Variants in CSMD1 observed in about 807,000 individuals in gnomAD.
CSMD1 encodes CUB and sushi domain-containing protein 1.
Under a neutral mutation model 417.5 loss-of-function variants are expected in CSMD1, and 213 were observed. That is an observed-to-expected ratio of 0.51 (90% CI 0.46 to 0.57). The LOEUF is 0.57. Among genes scored for constraint, CSMD1 ranks in the 20% least tolerant of loss-of-function variants. The pLI, the probability that CSMD1 is intolerant of heterozygous loss-of-function variation, is 0.00. For synonymous variants in CSMD1, 2,862 were observed against 1,736.8 expected, an observed-to-expected ratio of 1.65 and a Z score of -16.11; for missense variants, 6,923 against 4,529.7, an observed-to-expected ratio of 1.53 and a Z score of -15.17.
chr8:4,191,295 C>G (rs1431598155), intron 3 of CSMD1, among the ~76,000 whole-genome samples: 2 of 152,040 alleles, frequency 1.3e-5, no homozygotes, highest in African/African-American at 2.4e-5. Flanking sequence ...ACTCGGGAGG[C>G]TGAGGCAGGA....
At chr8:4,956,236 C>T (rs1809099639) in intron 1 of CSMD1, among the ~76,000 whole-genome samples, 1 of 143,212 alleles carries the variant, frequency 7.0e-6, no homozygotes, top group Admixed American at 6.9e-5. Context: ...TTACAGCCCT[C>T]CTTACTCGCT....
At chr8:4,703,055 G>A (rs995647197) in intron 1 of CSMD1, among the ~76,000 whole-genome samples, 1 of 152,096 alleles carries the variant, frequency 6.6e-6, no homozygotes, top group Admixed American at 6.6e-5. Flanking sequence ...ACAGTTTAGG[G>A]TTAAGCAAAT....
intron 17 of CSMD1, among the ~76,000 whole-genome samples, chr8:3,389,886 A>G (rs147739031): frequency 0.018 from 2,814 of 152,268 alleles, 46 homozygotes; most frequent in South Asian, 0.025. Context: ...TGACACCACT[A>G]TTGAATTTTG....
At chr8:3,205,641 G>A in intron 30 of CSMD1, 21 bp from the exon 31 acceptor site, 1 of 1,252,910 alleles carries the variant, frequency 8.0e-7, no homozygotes, top group South Asian at 1.3e-5. Context: ...AATCAACCGA[G>A]AATTAGTCGC....
At chr8:3,895,492 C>T (rs982427156) in intron 5 of CSMD1, among the ~76,000 whole-genome samples, 1 of 152,012 alleles carries the variant, frequency 6.6e-6, no homozygotes, top group East Asian at 1.9e-4. Flanking sequence ...TATTATTAGG[C>T]CTATTATCAA....
At chr8:3,252,849 T>C (rs1019393965) in intron 26 of CSMD1, among the ~76,000 whole-genome samples, 1 of 152,240 alleles carries the variant, frequency 6.6e-6, no homozygotes, top group Non-Finnish European at 1.5e-5. Flanking sequence ...TTTATTTGCA[T>C]AGAGGTGTTT....
At chr8:3,212,798 T>C (rs1450691135) in intron 30 of CSMD1, among the ~76,000 whole-genome samples, 1 of 151,764 alleles carries the variant, frequency 6.6e-6, no homozygotes, top group Non-Finnish European at 1.5e-5. Flanking sequence ...TGTTTTATTT[T>C]GTTTTGCTTG....
chr8:4,348,281 C>T (rs1229466796), intron 3 of CSMD1, among the ~76,000 whole-genome samples: 1 of 152,060 alleles, frequency 6.6e-6, no homozygotes, highest in Non-Finnish European at 1.5e-5. Context: ...GTAGATATAA[C>T]CAGGAGCAAA....
intron 5 of CSMD1, among the ~76,000 whole-genome samples, chr8:3,834,745 G>A (rs1261101773): frequency 1.3e-5 from 2 of 151,950 alleles, no homozygotes; most frequent in Admixed American, 6.6e-5. Flanking sequence ...TCTCGGAGGT[G>A]GAGCCAAGAT....
At chr8:3,439,086 G>A (rs1290991988) in intron 12 of CSMD1, among the ~76,000 whole-genome samples, 2 of 109,006 alleles carry the variant, frequency 1.8e-5, no homozygotes, top group Admixed American at 1.4e-4. Flanking sequence ...TCGTGCCACT[G>A]CACTCCAGCC....
intron 25 of CSMD1, among the ~76,000 whole-genome samples, chr8:3,290,241 A>C: frequency 6.8e-6 from 1 of 147,284 alleles, no homozygotes; most frequent in Non-Finnish European, 1.5e-5. Context: ...CTTGTAGTGT[A>C]GTATGAAGTC....
intron 3 of CSMD1, among the ~76,000 whole-genome samples, chr8:4,386,711 G>T (rs920682099): frequency 2.0e-5 from 3 of 152,186 alleles, no homozygotes; most frequent in African/African-American, 7.2e-5. Context: ...GGATCCAGAT[G>T]GTAAGGGATA....
intron 5 of CSMD1, among the ~76,000 whole-genome samples, chr8:3,926,567 A>C (rs1259826789): frequency 6.6e-6 from 1 of 151,884 alleles, no homozygotes; most frequent in African/African-American, 2.4e-5. Flanking sequence ...ATTTTTGATG[A>C]TTATTCTAAC....
chr8:3,685,366 A>G (rs1039238786), intron 7 of CSMD1, among the ~76,000 whole-genome samples: 1 of 152,126 alleles, frequency 6.6e-6, no homozygotes. Context: ...ACTGTTACCT[A>G]AACACCAGGG....
intron 3 of CSMD1, among the ~76,000 whole-genome samples, chr8:4,357,066 A>T (rs1368094926): frequency 6.6e-6 from 1 of 152,224 alleles, no homozygotes; most frequent in Admixed American, 6.5e-5. Flanking sequence ...TCTTTACTGA[A>T]GGAAGAATAA....
At chr8:3,693,135 C>G (rs563381098) in intron 7 of CSMD1, among the ~76,000 whole-genome samples, 1 of 152,118 alleles carries the variant, frequency 6.6e-6, no homozygotes, top group Non-Finnish European at 1.5e-5. Flanking sequence ...AATAGATAGT[C>G]ACCCACACTG....
At chr8:4,231,795 T>C (rs1245372381) in intron 3 of CSMD1, among the ~76,000 whole-genome samples, 2 of 152,116 alleles carry the variant, frequency 1.3e-5, no homozygotes, top group Admixed American at 6.6e-5. Context: ...ATACTCAGGG[T>C]TCTACCTAAC....
At chr8:4,342,215 G>GTGTGTGTGTGTGTC (rs1554438750) in intron 3 of CSMD1, among the ~76,000 whole-genome samples, 14 of 18,786 alleles carry the variant, frequency 7.5e-4, no homozygotes, top group Non-Finnish European at 1.0e-3. Flanking sequence ...CTGTGTGTGT[G>GTGTGTGTGTGTGTC]TGTGTGTGTG....
At chr8:3,060,397 C>G (rs1016353229) in intron 49 of CSMD1, among the ~76,000 whole-genome samples, 17 of 151,370 alleles carry the variant, frequency 1.1e-4, no homozygotes, top group Non-Finnish European at 1.9e-4. Context: ...TCCTTGAACT[C>G]CTGAACTCCT....
Sources: gnomAD v4.1 joint callset for allele counts (sites outside exome capture counted in the v4.1 genomes callset) on GRCh38, gnomAD v4.1.1 for gene constraint, MANE v1.5 for transcripts, NCBI Gene and HGNC (gene_info 2026-07-23, HGNC 2026-07-21) for gene names.